BTBD16: variants seen among roughly 807,000 people sequenced by gnomAD.
The protein encoded by BTBD16 is BTB/POZ domain-containing protein 16.
Under a neutral mutation model 67.4 loss-of-function variants are expected in BTBD16, and 66 were observed. The observed-to-expected ratio is 0.98, with a 90% CI of 0.80 to 1.20. The LOEUF is 1.20. Among genes scored for constraint, BTBD16 ranks in the 50% most tolerant of loss-of-function variants. BTBD16 has a pLI of 0.00. For missense variants in BTBD16, 634 were observed against 616.0 expected, an observed-to-expected ratio of 1.03 and a Z score of -0.31; for synonymous variants, 242 against 236.4, an observed-to-expected ratio of 1.02 and a Z score of -0.22.
chr10:122,283,403 G>A (rs1483880651), intron 3 of BTBD16, among the ~76,000 whole-genome samples: 4 of 152,216 alleles, frequency 2.6e-5, no homozygotes, highest in African/African-American at 9.7e-5. Flanking sequence ...ATTTGGGGTA[G>A]ATGCTAGGTT....
chr10:122,330,328 T>G (rs1206657976), intron 11 of BTBD16, among the ~76,000 whole-genome samples: 2 of 152,040 alleles, frequency 1.3e-5, no homozygotes, highest in African/African-American at 2.4e-5. Context: ...GAGAAAAGTT[T>G]GGGGAAAAAA....
chr10:122,336,529 G>T lies in BTBD16; in HGVS notation c.1299G>T (p.Ala433=), dbSNP rs1339630817. The T allele has an allele frequency of 6.2e-7, 1 of 1,611,276 alleles. No individual in the cohort carries two copies. The highest frequency in any genetic ancestry group is 8.5e-7 in the Non-Finnish European group (1 of 1,178,774). Residue 433 remains alanine, a synonymous_variant, in exon 15 of 16, where the codon GCG becomes GCT. Transcript: ENST00000260723. ...IKHTDLESPS[A]VYEHNHVSLR... ...ACACAGACCTGGAATCTCCCTCTGC[G>T]GTCTACGAGCACAACCACGTCAGCC...
chr10:122,337,461 G>A (rs951091848), intron 15 of BTBD16, among the ~76,000 whole-genome samples: 7 of 151,962 alleles, frequency 4.6e-5, no homozygotes, highest in African/African-American at 9.7e-5. Flanking sequence ...TTTTTTGTTC[G>A]TTTTGTTTTG....
chr10:122,272,672 A>C (rs1352027440), intron 1 of BTBD16, among the ~76,000 whole-genome samples: 1 of 120,872 alleles, frequency 8.3e-6, no homozygotes, highest in Non-Finnish European at 1.7e-5. Flanking sequence ...AGACTGGCAA[A>C]GGAAATACAC....
rs77662238 is a variant in BTBD16, at chr10:122,328,529, G to A, written c.912-951G>A. Among the ~76,000 whole-genome samples the A allele has an allele frequency of 1.0e-2, 1,522 of 152,308 alleles. 20 individuals carry two copies. Among genetic ancestry groups the A allele is most frequent in the South Asian group, 0.048 (231 of 4,820 alleles). On this transcript the variant is annotated intron_variant, in intron 10 of 15. Coordinates refer to ENST00000260723, the MANE Select transcript of BTBD16 (RefSeq NM_144587.5). ...AATAAACGGTTCCGGGAAAGCTGGC[G>A]GGCATCTCTGACAGAAGGGACCACA... is the stretch of plus-strand genomic sequence containing the variant.
rs1405116580 is a variant in BTBD16, at chr10:122,276,892, C to T, written c.120C>T (p.Cys40=). The change falls in exon 3 of 16, where the codon TGC becomes TGT. Residue 40 remains cysteine (C), a synonymous_variant. Transcript: ENST00000260723. ...ACCTGCTCTCACTTTCCCAGATGTG[C>T]AAGGCTCTGAGCATAGACTTTGAGG... ...SGDLLSLSQM[C]KALSIDFEEA... 12 of 1,614,048 alleles carry T rather than the reference C, an allele frequency of 7.4e-6. No individual in the cohort carries two copies. Among genetic ancestry groups the T allele is most frequent in the Non-Finnish European group, 9.3e-6 (11 of 1,180,026 alleles).
At chr10:122,327,489 A>G in intron 10 of BTBD16, 1 of 609,630 alleles carries the variant, frequency 1.6e-6, no homozygotes, top group Non-Finnish European at 2.0e-6. Flanking sequence ...CTCCCACTTG[A>G]CAGAGGAGAG....
intron 10 of BTBD16, among the ~76,000 whole-genome samples, chr10:122,329,081 T>C (rs1352590945): frequency 1.3e-5 from 2 of 152,136 alleles, no homozygotes; most frequent in South Asian, 2.1e-4. Context: ...TTCCCATCTG[T>C]AAAATGGAGC....
chr10:122,273,969 G>A (rs530047604), intron 1 of BTBD16, among the ~76,000 whole-genome samples: 3 of 152,322 alleles, frequency 2.0e-5, no homozygotes, highest in African/African-American at 4.8e-5. Flanking sequence ...TCTCAGAAAC[G>A]GCTAACGCCT....
intron 5 of BTBD16, 189 bp downstream of exon 5, chr10:122,286,437 G>A: frequency 1.9e-6 from 1 of 514,056 alleles, no homozygotes; most frequent in Non-Finnish European, 2.5e-6. Context: ...TAGTTCTTAG[G>A]ATGCGGCTTT....
At chr10:122,334,748 C>G (rs2096460874) in intron 13 of BTBD16, 133 bp from the exon 14 acceptor site, 1 of 562,858 alleles carries the variant, frequency 1.8e-6, no homozygotes, top group Non-Finnish European at 3.1e-6. Context: ...TCTTGAACTC[C>G]TGACCTCAGA....
intron 7 of BTBD16, chr10:122,294,201 T>C (rs912120886): frequency 1.0e-6 from 1 of 985,266 alleles, no homozygotes; most frequent in East Asian, 1.1e-4. Flanking sequence ...GATGGCGCAG[T>C]TGGCAGGGTG....
intron 6 of BTBD16, among the ~76,000 whole-genome samples, 190 bp from the exon 7 acceptor site, chr10:122,290,890 C>T (rs2096372719): frequency 1.3e-5 from 2 of 152,200 alleles, no homozygotes; most frequent in South Asian, 4.1e-4. Context: ...TAGCTTCAGC[C>T]TCAACTCCTT....
At chr10:122,332,717 A>T in intron 13 of BTBD16, 1 of 761,240 alleles carries the variant, frequency 1.3e-6, no homozygotes, top group South Asian at 5.9e-5. Context: ...CGGGCCATTT[A>T]ATAATTTCCC....
intron 3 of BTBD16, among the ~76,000 whole-genome samples, chr10:122,282,508 G>A (rs139582962): frequency 2.0e-5 from 3 of 152,338 alleles, no homozygotes; most frequent in East Asian, 1.9e-4. Flanking sequence ...TGGAGACAGC[G>A]TGGTGAAGTT....
intron 14 of BTBD16, among the ~76,000 whole-genome samples, chr10:122,335,783 C>G (rs571261805): frequency 1.7e-4 from 26 of 152,280 alleles, no homozygotes; most frequent in African/African-American, 6.3e-4. Context: ...CTCTAAACTG[C>G]AAGCTTTTGA....
chr10:122,296,033 T>C (rs2096382507), intron 7 of BTBD16, among the ~76,000 whole-genome samples: 1 of 151,994 alleles, frequency 6.6e-6, no homozygotes, highest in Non-Finnish European at 1.5e-5. Context: ...CACACTTTTT[T>C]CCTAAGATAG....
intron 10 of BTBD16, among the ~76,000 whole-genome samples, chr10:122,310,353 G>T (rs2096411598): frequency 6.6e-6 from 1 of 152,168 alleles, no homozygotes; most frequent in African/African-American, 2.4e-5. Flanking sequence ...ATCCCCTGCC[G>T]AGGATCCCCA....
chr10:122,275,509 G>A (rs759545449), intron 2 of BTBD16, among the ~76,000 whole-genome samples: 6 of 152,064 alleles, frequency 3.9e-5, no homozygotes, highest in Non-Finnish European at 7.4e-5. Flanking sequence ...AACCATTACC[G>A]TCACCACCAC....
Sources: gnomAD v4.1 joint callset for allele counts (sites outside exome capture counted in the v4.1 genomes callset) on GRCh38, gnomAD v4.1.1 for gene constraint, MANE v1.5 for transcripts, NCBI Gene and HGNC (gene_info 2026-07-23, HGNC 2026-07-21) for gene names.